Variants in PTPRU observed in about 807,000 individuals in gnomAD.
The protein encoded by PTPRU is protein tyrosine phosphatase receptor type U.
Under a neutral mutation model 166.3 loss-of-function variants are expected in PTPRU, and 69 were observed. The observed-to-expected ratio is 0.41, with a 90% CI of 0.34 to 0.51. PTPRU has a LOEUF of 0.51. Among genes scored for constraint, PTPRU ranks in the 20% least tolerant of loss-of-function variants. The pLI, the probability that PTPRU is intolerant of heterozygous loss-of-function variation, is 0.09. For missense variants in PTPRU, 1,657 were observed against 2,013.7 expected (o/e 0.82, Z 3.39); for synonymous variants, 793 against 814.0 (o/e 0.97, Z 0.44).
At chr1:29,310,082 G>A (rs1226941661) in intron 18 of PTPRU, among the ~76,000 whole-genome samples, 1 of 152,120 alleles carries the variant, frequency 6.6e-6, no homozygotes, top group African/African-American at 2.4e-5. Flanking sequence ...GTAGCTCTTG[G>A]CCTCTCTCTC....
intron 5 of PTPRU, 36 bp downstream of exon 5, chr1:29,259,600 T>TTTTGGGGGGGGGGGGGGGGGG: frequency 1.2e-5 from 3 of 253,532 alleles, no homozygotes; most frequent in Admixed American, 4.9e-5. Flanking sequence ...GGGGGCGGGG[T>TTTTGGGGGGGGGGGGGGGGGG]GGGAGGGGGT....
In PTPRU at chr1:29,260,633, C is replaced by T; in HGVS notation, c.874C>T (p.Pro292Ser). The T allele has an allele frequency of 6.7e-7, 1 of 1,503,622 alleles. No individual in the cohort carries two copies. The highest frequency in any genetic ancestry group is 8.9e-7 in the Non-Finnish European group (1 of 1,124,266). 93.1% of individuals were successfully genotyped at this position (1,503,622 alleles called of 1,614,324 possible). A position where few individuals can be genotyped will look rare whatever the true frequency, so the allele number is the denominator to read the frequency against. Residue 292 changes from proline (P) to serine (S), a missense_variant, in exon 7 of 30, where the codon CCA becomes TCA. Pro to Ser is a moderately conservative substitution (Grantham distance 74, BLOSUM62 -1). Around this residue, in one of 3 missense-constraint regions of PTPRU, gnomAD observed 453 missense variants for 496.9 expected, o/e 0.91. Coordinates refer to ENST00000373779, the MANE Select transcript of PTPRU (RefSeq NM_133178.4). This position sits in a 1 kb window ranked among gnomAD's most constrained non-coding sequence, Gnocchi z 8.3. ...AGAGCCCCCAACTCCCATCGCGCCC[C>T]CACAGCTGCTGCGTGCTGGCCCCAC... ...VKEPPTPIAP[P>S]QLLRAGPTYL...
intron 14 of PTPRU, among the ~76,000 whole-genome samples, chr1:29,286,773 T>C (rs1277814781): frequency 1.3e-5 from 2 of 151,932 alleles, no homozygotes; most frequent in African/African-American, 4.8e-5. Context: ...GGATCAGAAA[T>C]GTTGTCAGGG....
At chr1:29,297,302 G>A (rs529679237) in intron 15 of PTPRU, among the ~76,000 whole-genome samples, 3 of 151,834 alleles carry the variant, frequency 2.0e-5, no homozygotes, top group Admixed American at 6.6e-5. Context: ...TGATCCACCC[G>A]TCTTGGCCTC....
chr1:29,288,507 G>A (rs148192257), intron 14 of PTPRU, among the ~76,000 whole-genome samples: 6 of 152,258 alleles, frequency 3.9e-5, no homozygotes, highest in Non-Finnish European at 5.9e-5. Flanking sequence ...TTCTTCAGCC[G>A]TGTCCTCCCT....
At chr1:29,306,654 G>A (rs562732163) in intron 18 of PTPRU, among the ~76,000 whole-genome samples, 1 of 152,234 alleles carries the variant, frequency 6.6e-6, no homozygotes, top group South Asian at 2.1e-4. Context: ...AGAGTGTCCC[G>A]GGTGAGGAGC....
Position 29,311,599 on chromosome 1 carries a change from G to A in PTPRU, c.2956-44G>A. On this transcript the variant is annotated intron_variant, in intron 20 of 29. Coordinates refer to ENST00000373779, the MANE Select transcript of PTPRU (RefSeq NM_133178.4). The surrounding 1 kb of genome is among the most constrained non-coding windows in gnomAD (Gnocchi z 4.1). ...AGCTGGGGCGCATGGCAGGCCAAGG[G>A]GGCAGCAAAGAGCCCACTGAGTCCC... 6.2e-7 allele frequency: 1 copy of A among 1,614,050 alleles called. No individual in the cohort carries two copies. The highest frequency in any genetic ancestry group is 8.5e-7 in the Non-Finnish European group (1 of 1,179,892).
chr1:29,253,709 T>C lies in PTPRU; in HGVS notation c.74-1566T>C, dbSNP rs573252498. 7.2e-5 allele frequency among the ~76,000 whole-genome samples: 11 copies of C among 152,066 alleles called. No individual in the cohort carries two copies. The East Asian group carries it at 2.1e-3, about 30-fold the overall frequency. On this transcript the variant is annotated intron_variant, in intron 1 of 29. Transcript: ENST00000373779. ...ATACCTCTCCCTCTTCTTCTTGAGA[T>C]TGGGAAGCAGCTCAGGTCTGCTCCT...
chr1:29,305,449 T>C (rs917972155), intron 18 of PTPRU, 21 bp downstream of exon 18: 8 of 1,609,624 alleles, frequency 5.0e-6, no homozygotes, highest in East Asian at 2.2e-5. Flanking sequence ...TGCCCTGTCA[T>C]TTCTGCAGAC....
At position 29,280,218 on chromosome 1, in the gene PTPRU, C is replaced by T. The variant is rs912729988; in HGVS notation, c.1868+77C>T. 9.4e-6 allele frequency: 13 copies of T among 1,390,324 alleles called. No homozygotes were observed. The African/African-American group carries it at 1.9e-4, about 20-fold the overall frequency. The allele number at this position is 1,390,324 out of a possible 1,614,324, so 86.1% of individuals were successfully genotyped here. A position where few individuals can be genotyped will look rare whatever the true frequency, so the allele number is the denominator to read the frequency against. ...CCCTCCTCTGACCCAGAGCCCCATC[C>T]CAGGCCAGCTCACCCTTTTCCTCCC... On this transcript the variant is annotated intron_variant, in intron 11 of 29. Transcript: ENST00000373779. This position sits in a 1 kb window ranked among gnomAD's most constrained non-coding sequence, Gnocchi z 4.2.
Position 29,260,685 on chromosome 1 carries a change from A to G in PTPRU, c.926A>G (p.Asn309Ser). 6.3e-7 allele frequency: 1 copy of G among 1,576,120 alleles called. No individual in the cohort carries two copies. Among genetic ancestry groups the G allele is most frequent in the Non-Finnish European group, 8.6e-7 (1 of 1,158,990 alleles). ...PTYLIIQLNT[N>S]SIIGDGPIVR... ...TACCTCATCATCCAGCTCAACACCA[A>G]CTCCATCATTGGCGACGGGCCGATC... The change falls in exon 7 of 30, where the codon AAC becomes AGC. Residue 309 changes from asparagine to serine, a missense_variant. Physicochemically the swap from Asn to Ser is conservative, Grantham distance 46. Transcript: ENST00000373779. This position sits in a 1 kb window ranked among gnomAD's most constrained non-coding sequence, Gnocchi z 8.3.
chr1:29,280,083 T>C lies in PTPRU; in HGVS notation c.1810T>C (p.Ser604Pro), dbSNP rs1269460155. 6.2e-7 allele frequency: 1 copy of C among 1,613,604 alleles called. No individual in the cohort carries two copies. The highest frequency in any genetic ancestry group is 8.5e-7 in the Non-Finnish European group (1 of 1,180,000). The change falls in exon 11 of 30, where the codon TCT (serine) becomes CCT (proline). Residue 604 changes from serine (S) to proline (P), a missense_variant. Around this residue, in one of 3 missense-constraint regions of PTPRU, gnomAD observed 1,190 missense variants for 1,477.4 expected, o/e 0.81. Coordinates refer to ENST00000373779, the MANE Select transcript of PTPRU (RefSeq NM_133178.4). This position sits in a 1 kb window ranked among gnomAD's most constrained non-coding sequence, Gnocchi z 4.2. ...YADMPSPLGE[S>P]ENTITVLLRP... ...CGACATGCCGTCACCCCTGGGCGAGTCTGAGAACACCATCACCGTGCTGCT... is the reference window on the plus strand; with the variant it reads ...CGACATGCCGTCACCCCTGGGCGAGCCTGAGAACACCATCACCGTGCTGCT...
chr1:29,292,393 G>C (rs765339765), intron 15 of PTPRU, among the ~76,000 whole-genome samples: 3 of 152,170 alleles, frequency 2.0e-5, no homozygotes, highest in Admixed American at 6.5e-5. Flanking sequence ...TCAGACCTGG[G>C]CTTACCTCTC....
At chr1:29,269,824 C>G (rs1420944863) in intron 7 of PTPRU, among the ~76,000 whole-genome samples, 2 of 152,146 alleles carry the variant, frequency 1.3e-5, no homozygotes, top group African/African-American at 2.4e-5. Flanking sequence ...CATATGCCTG[C>G]AGTAGACATT....
At chr1:29,283,873 G>A in intron 12 of PTPRU, 67 bp from the exon 13 acceptor site, 1 of 1,574,762 alleles carries the variant, frequency 6.4e-7, no homozygotes, top group Non-Finnish European at 8.7e-7. Flanking sequence ...CGCTGTCTGA[G>A]GTTCCCACCC....
chr1:29,284,052 G>C, intron 13 of PTPRU, 76 bp downstream of exon 13: 1 of 1,570,078 alleles, frequency 6.4e-7, no homozygotes, highest in East Asian at 2.2e-5. Flanking sequence ...TGGATCCTGA[G>C]GACCTACGGC....
At chr1:29,245,710 C>G (rs947699822) in intron 1 of PTPRU, among the ~76,000 whole-genome samples, 6 of 152,120 alleles carry the variant, frequency 3.9e-5, no homozygotes, top group South Asian at 2.1e-4. Flanking sequence ...CTTTGCTGCT[C>G]TCTTGTATAC....
Position 29,325,196 on chromosome 1 carries a change from G to C in PTPRU, c.4118G>C (p.Gly1373Ala), listed in dbSNP as rs761189855. Reference protein sequence around the residue: ...DGRTIVHCLNGGGRSGTFCAC... With the variant: ...DGRTIVHCLNAGGRSGTFCAC... ...CTTTTGCATCTCTCATTCAGAAACG[G>C]GGGAGGACGCAGCGGCACCTTCTGC... is the stretch of plus-strand genomic sequence containing the variant. Residue 1373 changes from glycine to alanine, a missense_variant, in exon 29 of 30, where the codon GGG becomes GCG. This residue lies in a region of PTPRU where 1,190 missense variants were observed against 1,477.4 expected (regional missense o/e 0.81). Transcript: ENST00000373779. 1 of 1,614,096 alleles carries C rather than the reference G, an allele frequency of 6.2e-7. No homozygotes were observed. Among genetic ancestry groups the C allele is most frequent in the Non-Finnish European group, 8.5e-7 (1 of 1,180,044 alleles).
At chr1:29,262,111 A>G (rs1685091318) in intron 7 of PTPRU, among the ~76,000 whole-genome samples, 1 of 152,178 alleles carries the variant, frequency 6.6e-6, no homozygotes, top group South Asian at 2.1e-4. Context: ...ATTCACCACT[A>G]CAGTCAAAAT....
Sources: gnomAD v4.1 joint callset for allele counts (sites outside exome capture counted in the v4.1 genomes callset) on GRCh38, gnomAD v4.1.1 for gene constraint, gnomAD v4.1.1 regional missense constraint, Gnocchi (gnomAD v3.1) non-coding constraint, MANE v1.5 for transcripts, NCBI Gene and HGNC (gene_info 2026-07-23, HGNC 2026-07-21) for gene names.